CEP350: variants seen among roughly 807,000 people sequenced by gnomAD.
CEP350 encodes the protein centrosomal protein 350.
A neutral mutation model predicts 331.8 loss-of-function variants in CEP350; 126 were observed. The observed-to-expected ratio is 0.38, with a 90% confidence interval of 0.33 to 0.44. The LOEUF is 0.44. Among genes scored for constraint, CEP350 ranks in the 20% least tolerant of loss-of-function variants. The pLI is 1.00. For synonymous variants in CEP350, 1,200 were observed against 1,259.5 expected (o/e 0.95, Z 1.00); for missense variants, 3,406 against 3,634.6 (o/e 0.94, Z 1.62).
At chr1:180,043,248 A>G (rs1571912327) in intron 20 of CEP350, 56 bp downstream of exon 20, 1 of 1,522,702 alleles carries the variant, frequency 6.6e-7, no homozygotes, top group Admixed American at 2.1e-5. Flanking sequence ...GTTAATATTC[A>G]TTCAGCAAAT....
At chr1:179,986,889 A>G (rs967573672) in intron 2 of CEP350, among the ~76,000 whole-genome samples, 13 of 152,234 alleles carry the variant, frequency 8.5e-5, no homozygotes, top group Non-Finnish European at 1.9e-4. Flanking sequence ...ACATTGTATT[A>G]TAAGATACAG....
In CEP350 at chr1:180,020,669, C is replaced by G; in HGVS notation, c.2895C>G (p.Ala965=). 1 of 1,613,974 alleles carries G rather than the reference C, an allele frequency of 6.2e-7. No homozygotes were observed. The change falls in exon 12 of 38, where the codon GCC becomes GCG. Residue 965 remains alanine, a synonymous_variant. Coordinates refer to ENST00000367607, the MANE Select transcript of CEP350 (RefSeq NM_014810.5). ...QTDSSSSDMQ[A]CSQDKAKISL... is the part of the protein sequence containing the mutation. ...ACTCTTCTAGCTCTGATATGCAAGC[C>G]TGTTCTCAAGACAAAGCCAAAATAT...
At chr1:179,979,478 C>T (rs2477115) in intron 1 of CEP350, among the ~76,000 whole-genome samples, 121,359 of 150,056 alleles carry the variant, frequency 0.81, 49,323 homozygotes, top group Admixed American at 0.87. Context: ...GCAAATATTT[C>T]CTCCAATTTT....
At chr1:179,968,663 CTT>C in intron 1 of CEP350, 1 of 456,252 alleles carries the variant, frequency 2.2e-6, no homozygotes, top group South Asian at 1.7e-5. Context: ...TAAAGGGAAA[CTT>C]TTACAATATC....
intron 4 of CEP350, among the ~76,000 whole-genome samples, chr1:179,991,314 C>CTTT (rs748309168): frequency 1.5e-3 from 160 of 109,370 alleles, no homozygotes; most frequent in African/African-American, 4.3e-3. Context: ...TCTTTCTTTT[C>CTTT]TTTTTTTTTT....
At position 180,052,999 on chromosome 1, in the gene CEP350, C is replaced by G; in HGVS notation, c.4822C>G (p.Leu1608Val). Residue 1608 changes from leucine to valine, a missense_variant, in exon 23 of 38, where the codon CTG (leucine) becomes GTG (valine). By Grantham distance (32) the Leu-to-Val change is conservative (BLOSUM62 1). Transcript: ENST00000367607. ...AACGTCTATTGCAACAGAATATTCT[C>G]TGAAATTTGATGAATCCATGACAGA... ...DSTSIATEYSLKFDESMTEDE... is the reference protein window; with the variant it reads ...DSTSIATEYSVKFDESMTEDE... 1 of 1,429,668 alleles carries G rather than the reference C, an allele frequency of 7.0e-7. No individual in the cohort carries two copies. Among genetic ancestry groups the G allele is most frequent in the Non-Finnish European group, 9.8e-7 (1 of 1,024,208 alleles). 88.6% of individuals were successfully genotyped at this position (1,429,668 alleles called of 1,614,324 possible). A position where few individuals can be genotyped will look rare whatever the true frequency, so the allele number is the denominator to read the frequency against.
At chr1:180,065,294 C>G (rs1658482466) in intron 27 of CEP350, 22 bp downstream of exon 27, 1 of 1,590,172 alleles carries the variant, frequency 6.3e-7, no homozygotes, top group African/African-American at 1.4e-5. Flanking sequence ...TTATAAATAT[C>G]TCTTGTTTAG....
At chr1:180,065,391 CATT>C in intron 27 of CEP350, 119 bp downstream of exon 27, 1 of 1,004,112 alleles carries the variant, frequency 1.0e-6, no homozygotes, top group Non-Finnish European at 1.4e-6. Context: ...GATTCAGTAG[CATT>C]TTAGCAGAAT....
intron 31 of CEP350, among the ~76,000 whole-genome samples, chr1:180,084,770 G>T (rs1402263893): frequency 6.6e-6 from 1 of 152,160 alleles, no homozygotes; most frequent in Non-Finnish European, 1.5e-5. Flanking sequence ...AGGAGGCTGA[G>T]GCAGAATTGC....
chr1:180,104,079 ATATTT>A (rs1307959290), intron 37 of CEP350, among the ~76,000 whole-genome samples: 5 of 147,956 alleles, frequency 3.4e-5, no homozygotes, highest in Non-Finnish European at 7.4e-5. Flanking sequence ...ACAAATATAT[ATATTT>A]TAAATATACA....
chr1:180,105,726 C>G (rs1448936872), intron 37 of CEP350, among the ~76,000 whole-genome samples: 5 of 152,060 alleles, frequency 3.3e-5, no homozygotes, highest in Admixed American at 6.6e-5. Flanking sequence ...TGTGGTGATT[C>G]TTTTATCAAA....
rs1480754014 is a variant in CEP350 at position 180,113,174 on chromosome 1, C to T, written c.*2013C>T. 6.6e-6 allele frequency: 1 copy of T among 152,562 alleles called. No homozygotes were observed. Among genetic ancestry groups the T allele is most frequent in the Non-Finnish European group, 1.5e-5 (1 of 68,018 alleles). The allele number at this position is 152,562 out of a possible 1,614,324, so 9.5% of individuals were successfully genotyped here. A position where few individuals can be genotyped will look rare whatever the true frequency, so the allele number is the denominator to read the frequency against. On this transcript the variant is annotated 3_prime_UTR_variant, in exon 38 of 38. Coordinates refer to ENST00000367607, the MANE Select transcript of CEP350 (RefSeq NM_014810.5). ...TTGTGTTATTTGGAAGACAGAAAAA[C>T]ATCTTGTCTACATCCTTTGGCTGTT...
Position 180,020,776 on chromosome 1 carries a change from A to G in CEP350, c.3002A>G (p.Asp1001Gly), listed in dbSNP as rs759242316. 3 of 1,614,032 alleles carry G rather than the reference A, an allele frequency of 1.9e-6. No individual in the cohort carries two copies. The highest frequency in any genetic ancestry group is 2.5e-6 in the Non-Finnish European group (3 of 1,179,890). The change falls in exon 12 of 38, where the codon GAT (aspartate) becomes GGT (glycine). Residue 1001 changes from aspartate (D) to glycine (G), a missense_variant. Physicochemically the swap from Asp to Gly is moderately conservative, Grantham distance 94. Around this residue, in one of 5 missense-constraint regions of CEP350, gnomAD observed 1,857 missense variants for 1,909.2 expected, o/e 0.97. Coordinates refer to ENST00000367607, the MANE Select transcript of CEP350 (RefSeq NM_014810.5). ...GSLSEEEGDQDGQPLLKVAEI... is the reference protein window; with the variant it reads ...GSLSEEEGDQGGQPLLKVAEI... ...CTCTCTGAAGAAGAGGGAGACCAGG[A>G]TGGACAGCCCCTTTTGAAAGTAGCA...
chr1:180,019,897 T>C, intron 11 of CEP350, 52 bp from the exon 12 acceptor site: 1 of 1,501,728 alleles, frequency 6.7e-7, no homozygotes, highest in Non-Finnish European at 8.9e-7. Flanking sequence ...AAAAAAAAAC[T>C]TTTTTAAAAT....
intron 14 of CEP350, among the ~76,000 whole-genome samples, chr1:180,026,398 G>A (rs990137065): frequency 3.3e-5 from 5 of 152,064 alleles, no homozygotes; most frequent in African/African-American, 1.2e-4. Flanking sequence ...TTTTGCCTCC[G>A]CCTCCCAAAA....
chr1:179,974,988 C>T (rs1395065258), intron 1 of CEP350, among the ~76,000 whole-genome samples: 1 of 150,848 alleles, frequency 6.6e-6, no homozygotes, highest in Non-Finnish European at 1.5e-5. Context: ...AAGACCGTGT[C>T]TCTAAAAAAG....
intron 19 of CEP350, among the ~76,000 whole-genome samples, 162 bp from the exon 20 acceptor site, chr1:180,042,894 T>A (rs149639076): frequency 1.1e-4 from 17 of 152,356 alleles, no homozygotes; most frequent in African/African-American, 4.1e-4. Context: ...CTGTTGAGAC[T>A]TAAAGAGGCT....
At chr1:179,984,417 A>C (rs953112691) in intron 1 of CEP350, among the ~76,000 whole-genome samples, 1 of 152,202 alleles carries the variant, frequency 6.6e-6, no homozygotes, top group Non-Finnish European at 1.5e-5. Context: ...TGGAGGATCT[A>C]CTTGCAAGGG....
chr1:180,014,216 G>C lies in CEP350; in HGVS notation c.1763G>C (p.Arg588Thr). The C allele has an allele frequency of 6.2e-7, 1 of 1,610,832 alleles. No homozygotes were observed. Among genetic ancestry groups the C allele is most frequent in the Middle Eastern group, 1.6e-4 (1 of 6,062 alleles). ...GAAGATCCCCCTGTTATTTCCAAAA[G>C]GCGCCACTATGACACAGATGAGGTA... The part of the protein sequence containing the change: ...ANEDPPVISK[R>T]RHYDTDEVRQ... The change falls in exon 10 of 38, where the codon AGG becomes ACG. Residue 588 changes from arginine (R) to threonine (T), a missense_variant. Transcript: ENST00000367607.
Sources: gnomAD v4.1 joint callset for allele counts (sites outside exome capture counted in the v4.1 genomes callset) on GRCh38, gnomAD v4.1.1 for gene constraint, gnomAD v4.1.1 regional missense constraint, MANE v1.5 for transcripts, NCBI Gene and HGNC (gene_info 2026-07-23, HGNC 2026-07-21) for gene names.